The following AKAP19 variants were observed in gnomAD, a reference collection of about 807,000 sequenced individuals.
The protein encoded by AKAP19 is A-kinase anchoring protein 19.
chr2:189,923,318 A>G, the AKAP19 span: 2 of 1,604,738 alleles, frequency 1.2e-6, no homozygotes, highest in South Asian at 2.2e-5. Context: ...TTTGTGAGAA[A>G]CCTTACCATC....
the AKAP19 span, among the ~76,000 whole-genome samples, chr2:189,882,689 G>A: frequency 0.1 from 15,796 of 152,046 alleles, 1,181 homozygotes; most frequent in East Asian, 0.19. Flanking sequence ...TCCGAAACCC[G>A]TGAGGATAAG....
At chr2:190,004,582 TA>T in the AKAP19 span, among the ~76,000 whole-genome samples, 13 of 143,338 alleles carry the variant, frequency 9.1e-5, no homozygotes, top group African/African-American at 3.2e-4. Flanking sequence ...TAAACCTTTT[TA>T]TTTTTTTTTT....
chr2:190,015,540 C>T, the AKAP19 span, among the ~76,000 whole-genome samples: 1 of 152,242 alleles, frequency 6.6e-6, no homozygotes, highest in African/African-American at 2.4e-5. Flanking sequence ...CTGTGAAAGC[C>T]TCTGAGATTC....
chr2:190,026,887 A>G, the AKAP19 span, among the ~76,000 whole-genome samples: 5 of 152,172 alleles, frequency 3.3e-5, no homozygotes, highest in Admixed American at 3.3e-4. Flanking sequence ...TTCACAGAAT[A>G]CCTAGATTAA....
chr2:190,180,891 C>T, the AKAP19 span: 1 of 985,282 alleles, frequency 1.0e-6, no homozygotes, highest in South Asian at 4.7e-5. This position sits in a 1 kb window ranked among gnomAD's most constrained non-coding sequence, Gnocchi z 6.8. Flanking sequence ...GAGCCGGGCG[C>T]CGGCGAGAAG....
chr2:190,110,135 C>A, the AKAP19 span, among the ~76,000 whole-genome samples: 1 of 150,766 alleles, frequency 6.6e-6, no homozygotes, highest in South Asian at 2.1e-4. Context: ...GAGAAAATCA[C>A]GACAAAATGT....
the AKAP19 span, among the ~76,000 whole-genome samples, chr2:189,919,157 A>T: frequency 3.3e-5 from 5 of 152,170 alleles, no homozygotes; most frequent in East Asian, 9.6e-4. Context: ...CTCTGTGGAC[A>T]GGGGGGACTA....
chr2:190,091,121 C>T, the AKAP19 span, among the ~76,000 whole-genome samples: 7 of 152,136 alleles, frequency 4.6e-5, no homozygotes, highest in Non-Finnish European at 1.0e-4. Flanking sequence ...TTACTGTTTA[C>T]CAGTTGACAC....
At chr2:189,963,951 A>G in the AKAP19 span, among the ~76,000 whole-genome samples, 5 of 152,016 alleles carry the variant, frequency 3.3e-5, no homozygotes, top group African/African-American at 1.2e-4. Context: ...TTTTCTACAG[A>G]CAGGCTTTTG....
the AKAP19 span, among the ~76,000 whole-genome samples, chr2:190,058,164 G>C: frequency 1.3e-5 from 2 of 152,024 alleles, no homozygotes; most frequent in East Asian, 3.9e-4. Flanking sequence ...AAATTCAGAA[G>C]AAGAGACGAT....
chr2:189,928,764 GAC>G, the AKAP19 span, among the ~76,000 whole-genome samples: 1 of 152,098 alleles, frequency 6.6e-6, no homozygotes, highest in African/African-American at 2.4e-5. Context: ...GAAGCTTCAT[GAC>G]ACTGTGTTTT....
the AKAP19 span, chr2:190,057,191 C>T: frequency 7.6e-6 from 12 of 1,579,936 alleles, no homozygotes; most frequent in African/African-American, 1.3e-5. Flanking sequence ...CTTAATTTCA[C>T]AGCTTCAAAA....
At chr2:189,910,804 T>G in the AKAP19 span, among the ~76,000 whole-genome samples, 1 of 152,070 alleles carries the variant, frequency 6.6e-6, no homozygotes, top group Non-Finnish European at 1.5e-5. Context: ...TGTAAACTTT[T>G]AAAAGGGTGT....
At chr2:189,972,239 A>G in the AKAP19 span, among the ~76,000 whole-genome samples, 1 of 152,172 alleles carries the variant, frequency 6.6e-6, no homozygotes, top group African/African-American at 2.4e-5. Flanking sequence ...TAAATAGGGA[A>G]TCCTTTCCCC....
At chr2:189,984,898 G>A in the AKAP19 span, among the ~76,000 whole-genome samples, 112 of 152,004 alleles carry the variant, frequency 7.4e-4, no homozygotes, top group Admixed American at 1.7e-3. Context: ...GAAGGGCAGA[G>A]GCCCACCAAG....
At chr2:189,981,168 G>GT in the AKAP19 span, among the ~76,000 whole-genome samples, 40 of 151,546 alleles carry the variant, frequency 2.6e-4, no homozygotes, top group East Asian at 6.6e-3. Context: ...AGCAGTATTT[G>GT]TTTTTTAAAC....
At chr2:190,058,348 T>G in the AKAP19 span, among the ~76,000 whole-genome samples, 8 of 152,050 alleles carry the variant, frequency 5.3e-5, no homozygotes, top group Non-Finnish European at 1.0e-4. Flanking sequence ...TTTTGATCAT[T>G]AAAATTCTAC....
the AKAP19 span, among the ~76,000 whole-genome samples, chr2:189,998,283 C>T: frequency 2.0e-5 from 3 of 152,150 alleles, no homozygotes; most frequent in African/African-American, 7.2e-5. Flanking sequence ...TCTGTCCATC[C>T]AAATGGGAGC....
At chr2:189,886,699 T>A in the AKAP19 span, among the ~76,000 whole-genome samples, 1 of 152,034 alleles carries the variant, frequency 6.6e-6, no homozygotes, top group African/African-American at 2.4e-5. Flanking sequence ...CTGGGAAGGT[T>A]TTCTTTTTTG....
Sources: allele counts gnomAD v4.1 joint callset (sites outside exome capture counted in the v4.1 genomes callset), GRCh38; gene constraint gnomAD v4.1.1; non-coding constraint Gnocchi (gnomAD v3.1); transcripts MANE v1.5; gene names NCBI Gene and HGNC (gene_info 2026-07-23, HGNC 2026-07-21).